ZNF568: variants seen among roughly 807,000 people sequenced by gnomAD.
The protein encoded by ZNF568 is zinc finger protein 568.
Under a neutral mutation model 18.1 loss-of-function variants are expected in ZNF568, and 11 were observed. That is an observed-to-expected ratio of 0.61 (90% CI 0.38 to 1.00). The LOEUF (loss-of-function observed/expected upper bound fraction) is 1.00, where lower values mean the gene tolerates loss of function less well. ZNF568 is among the 50% of genes least tolerant of loss of function. The pLI is 0.01. For synonymous variants in ZNF568, 213 were observed against 246.6 expected (o/e 0.86, Z 1.28); for missense variants, 639 against 768.2 (o/e 0.83, Z 1.99).
chr19:36,925,980 G>A (rs2073547007), intron 4 of ZNF568, among the ~76,000 whole-genome samples: 1 of 152,180 alleles, frequency 6.6e-6, no homozygotes, highest in African/African-American at 2.4e-5. Context: ...ACAATTTTTA[G>A]CTTAGCTTTT....
intron 6 of ZNF568, among the ~76,000 whole-genome samples, chr19:36,949,132 G>A (rs904267248): frequency 2.6e-5 from 4 of 152,070 alleles, no homozygotes; most frequent in Non-Finnish European, 5.9e-5. Flanking sequence ...AAAAATACAT[G>A]CATTCAAGCC....
intron 4 of ZNF568, among the ~76,000 whole-genome samples, chr19:36,932,016 C>T (rs1276221446): frequency 6.6e-6 from 1 of 152,176 alleles, no homozygotes; most frequent in Non-Finnish European, 1.5e-5. Flanking sequence ...TTGCCTTTCG[C>T]TTAGCATTAT....
intron 4 of ZNF568, among the ~76,000 whole-genome samples, chr19:36,929,410 G>T (rs766076298): frequency 6.6e-6 from 1 of 152,142 alleles, no homozygotes; most frequent in Non-Finnish European, 1.5e-5. Context: ...GTGTGGCCAG[G>T]CGTGGTGGCT....
chr19:36,997,374 A>T (rs1238272439), downstream of ZNF568: 1 of 1,592,660 alleles, frequency 6.3e-7, no homozygotes, highest in East Asian at 2.3e-5. Context: ...CTGGTGAAAA[A>T]CCCTATGAGT....
chr19:36,965,046 C>G (rs519551), intron 6 of ZNF568, among the ~76,000 whole-genome samples: 52,564 of 152,036 alleles, frequency 0.35, 9,322 homozygotes, highest in African/African-American at 0.37. Flanking sequence ...TACAACTGGG[C>G]TTGAAATTTT....
exon 5 of ZNF568, chr19:36,997,195 A>G (rs1392395949): frequency 1.2e-6 from 2 of 1,607,090 alleles, no homozygotes; most frequent in South Asian, 2.2e-5. Flanking sequence ...AAGAATTCAT[A>G]CTGGTGAGAA....
chr19:36,983,684 GC>G (rs1364168785), downstream of ZNF568, among the ~76,000 whole-genome samples: 1 of 151,916 alleles, frequency 6.6e-6, no homozygotes, highest in East Asian at 1.9e-4. Context: ...GTTAAAATCT[GC>G]CACTGTGATT....
chr19:36,966,149 G>T (rs2074192815), intron 6 of ZNF568, among the ~76,000 whole-genome samples: 2 of 152,226 alleles, frequency 1.3e-5, no homozygotes, highest in South Asian at 4.2e-4. Context: ...AGTTGGAAGT[G>T]ATTGTCCATG....
At chr19:36,997,559 A>T (rs774569821), downstream of ZNF568, 3 of 1,585,236 alleles carry the variant, frequency 1.9e-6, no homozygotes, top group South Asian at 3.4e-5. Context: ...GAGTGTAAGG[A>T]GTGTGGGAAG....
chr19:36,949,698 A>T lies in ZNF568; in HGVS notation c.545A>T (p.Asp182Val), dbSNP rs1292793719. 1 of 1,613,900 alleles carries T rather than the reference A, an allele frequency of 6.2e-7. No homozygotes were observed. Among genetic ancestry groups the T allele is most frequent in the Admixed American group, 1.7e-5 (1 of 60,028 alleles). The change falls in exon 7 of 7, where the codon GAT becomes GTT. Residue 182 changes from aspartate (D) to valine (V), a missense_variant. Asp to Val is a radical substitution (Grantham distance 152). Coordinates refer to ENST00000333987, the MANE Select transcript of ZNF568 (RefSeq NM_198539.4). Reference sequence around the variant, plus strand: ...AGCTTCTATGACTGTGACTCACTTGATAAGGGTTTGGAACATAATTTAGAC... The same window carrying T: ...AGCTTCTATGACTGTGACTCACTTGTTAAGGGTTTGGAACATAATTTAGAC... ...RQSFYDCDSL[D>V]KGLEHNLDLL... is the part of the protein sequence containing the mutation.
chr19:36,996,353 C>T, exon 5 of ZNF568: 1 of 1,532,268 alleles, frequency 6.5e-7, no homozygotes, highest in Non-Finnish European at 8.7e-7. Context: ...AATTTATCTC[C>T]AAAGGAAAAC....
intron 2 of ZNF568, among the ~76,000 whole-genome samples, chr19:36,986,807 A>G (rs1043900163): frequency 1.3e-5 from 2 of 152,046 alleles, no homozygotes; most frequent in Non-Finnish European, 2.9e-5. Flanking sequence ...ATCTCCCTTC[A>G]TAGACTGCTG....
intron 7 of ZNF568, among the ~76,000 whole-genome samples, chr19:36,977,839 T>C (rs2074298510): frequency 6.6e-6 from 1 of 152,264 alleles, no homozygotes; most frequent in African/African-American, 2.4e-5. Flanking sequence ...TGCCATTTGC[T>C]AGCTCTGTGA....
At chr19:36,937,281 A>G (rs756481941) in intron 6 of ZNF568, 39 bp downstream of exon 6, 3 of 1,559,180 alleles carry the variant, frequency 1.9e-6, no homozygotes, top group Non-Finnish European at 1.8e-6. Context: ...AGAAAGCCAC[A>G]TGAGAGTTGT....
chr19:36,925,078 A>G (rs1012402363), intron 3 of ZNF568, 122 bp from the exon 4 acceptor site: 9 of 808,290 alleles, frequency 1.1e-5, no homozygotes, highest in Admixed American at 6.6e-5. Flanking sequence ...GGCAGTTAAC[A>G]TTTCTTATTG....
Position 36,974,419 on chromosome 19 carries a change from G to T in ZNF568, c.359-1G>T. ...AACGTTTTTCCACATCTTTCTTTAA[G>T]AACCCAGAAGAGGAGAGAACTGCTG... On this transcript the variant is annotated splice_acceptor_variant, in intron 6 of 7. Transcript: ENST00000427117. LOFTEE classifies it high-confidence loss of function. 6.5e-7 allele frequency: 1 copy of T among 1,535,976 alleles called. No individual in the cohort carries two copies. The highest frequency in any genetic ancestry group is 8.7e-7 in the Non-Finnish European group (1 of 1,146,822).
chr19:36,924,804 C>T (rs879648633), intron 3 of ZNF568, among the ~76,000 whole-genome samples: 4 of 150,068 alleles, frequency 2.7e-5, no homozygotes, highest in Non-Finnish European at 5.9e-5. Flanking sequence ...GCACTCCAGC[C>T]TGGACGGCAG....
intron 6 of ZNF568, among the ~76,000 whole-genome samples, chr19:36,971,030 G>T (rs1398708640): frequency 6.6e-6 from 1 of 151,936 alleles, no homozygotes; most frequent in Non-Finnish European, 1.5e-5. Context: ...ATCACCTGAG[G>T]TCAAGAGTTT....
chr19:36,993,569 CTCTT>C (rs2074443750), intron 4 of ZNF568, among the ~76,000 whole-genome samples: 1 of 152,062 alleles, frequency 6.6e-6, no homozygotes, highest in Non-Finnish European at 1.5e-5. Flanking sequence ...CTAATTCAGT[CTCTT>C]TATTTGGTAT....
Sources: gnomAD v4.1 joint callset for allele counts (sites outside exome capture counted in the v4.1 genomes callset) on GRCh38, gnomAD v4.1.1 for gene constraint, MANE v1.5 for transcripts, NCBI Gene and HGNC (gene_info 2026-07-23, HGNC 2026-07-21) for gene names.